The following ABCD3 variants were observed in gnomAD, a reference collection of about 807,000 sequenced individuals.
The protein encoded by ABCD3 is ATP binding cassette subfamily D member 3.
Under a neutral mutation model 105.5 loss-of-function variants are expected in ABCD3, and 41 were observed. That is an observed-to-expected ratio of 0.39 (90% CI 0.30 to 0.50). ABCD3 has a LOEUF of 0.50. Ranked by LOEUF, ABCD3 falls within the 20% of genes least tolerant of loss-of-function variation. The pLI, the probability that ABCD3 is intolerant of heterozygous loss-of-function variation, is 0.84. For missense variants in ABCD3, 622 were observed against 806.3 expected, an observed-to-expected ratio of 0.77 and a Z score of 2.77; for synonymous variants, 258 against 269.0, an observed-to-expected ratio of 0.96 and a Z score of 0.40.
At chr1:94,388,050 C>T in the ABCD3 span, among the ~76,000 whole-genome samples, 1 of 152,180 alleles carries the variant, frequency 6.6e-6, no homozygotes. Context: ...CCACACTGCT[C>T]TTCAACTCTG....
chr1:94,401,515 G>T, the ABCD3 span, among the ~76,000 whole-genome samples: 1 of 152,196 alleles, frequency 6.6e-6, no homozygotes, highest in Non-Finnish European at 1.5e-5. Flanking sequence ...ATCCCACAGG[G>T]CATTCTTAAC....
Position 94,468,119 on chromosome 1 carries a change from A to C in ABCD3, c.335+112A>C, listed in dbSNP as rs149682594. 1,975 of 814,782 alleles carry C rather than the reference A, an allele frequency of 2.4e-3. 28 individuals are homozygous for C. In the African/African-American group the frequency reaches 0.027, roughly 11 times the overall value. 50.5% of individuals were successfully genotyped at this position (814,782 alleles called of 1,614,324 possible). ...TTCTAAGTTAGGTAAAAGATAACCC[A>C]AGTCAAATTATGTGTTTGTTCATTT... On this transcript the variant is annotated intron_variant, in intron 4 of 22. Transcript: ENST00000370214.
intron 1 of ABCD3, among the ~76,000 whole-genome samples, chr1:94,420,187 A>G (rs1477826115): frequency 6.6e-6 from 1 of 152,194 alleles, no homozygotes; most frequent in Non-Finnish European, 1.5e-5. Context: ...TTTTACAAGT[A>G]GAACACACTC....
chr1:94,508,775 G>A (rs1414992527), intron 21 of ABCD3, among the ~76,000 whole-genome samples: 30 of 152,092 alleles, frequency 2.0e-4, no homozygotes, highest in African/African-American at 4.8e-4. Flanking sequence ...GAGTTCACTC[G>A]TGATTTGGCT....
chr1:94,502,376 G>A (rs561598860), intron 20 of ABCD3, among the ~76,000 whole-genome samples: 2 of 152,198 alleles, frequency 1.3e-5, no homozygotes, highest in African/African-American at 4.8e-5. Flanking sequence ...TCAATTAAAT[G>A]ACAGCTAATT....
chr1:94,460,484 C>T (rs1181396717), intron 2 of ABCD3, among the ~76,000 whole-genome samples: 1 of 152,142 alleles, frequency 6.6e-6, no homozygotes, highest in Non-Finnish European at 1.5e-5. Flanking sequence ...TAAGAAACAT[C>T]TAATTCCTTT....
In ABCD3 at chr1:94,499,593, T is replaced by C; in HGVS notation, c.1719T>C (p.Gly573=). The change falls in exon 20 of 23, where the codon GGT becomes GGC. Residue 573 remains glycine (G), a synonymous_variant. Coordinates refer to ENST00000370214, the MANE Select transcript of ABCD3 (RefSeq NM_002858.4). ...SVQDWMDVLS[G]GEKQRMAMAR... The stretch of plus-strand genomic sequence containing the variant: ...AGGATTGGATGGACGTACTCAGTGG[T>C]GGAGAAAAGCAAAGAATGGCGGTAA... 1 of 1,613,652 alleles carries C rather than the reference T, an allele frequency of 6.2e-7. No individual in the cohort carries two copies. Among genetic ancestry groups the C allele is most frequent in the Non-Finnish European group, 8.5e-7 (1 of 1,179,756 alleles).
intron 21 of ABCD3, among the ~76,000 whole-genome samples, chr1:94,513,269 G>A (rs1650769417): frequency 6.6e-6 from 1 of 152,060 alleles, no homozygotes; most frequent in African/African-American, 2.4e-5. Flanking sequence ...ATAAAACCAT[G>A]TAGTCTGCAG....
chr1:94,451,435 CA>C (rs1647253795), intron 1 of ABCD3, among the ~76,000 whole-genome samples: 1 of 151,830 alleles, frequency 6.6e-6, no homozygotes. Flanking sequence ...GGAGCATTGT[CA>C]GTCAGGGAAC....
chr1:94,438,164 G>C (rs1473123960), intron 1 of ABCD3, among the ~76,000 whole-genome samples: 1 of 152,016 alleles, frequency 6.6e-6, no homozygotes, highest in African/African-American at 2.4e-5. Context: ...GCATGCGCCT[G>C]TAGTCCCAGC....
intron 21 of ABCD3, chr1:94,514,944 C>A: frequency 3.7e-6 from 2 of 542,664 alleles, no homozygotes; most frequent in South Asian, 5.0e-5. Context: ...ATGCCAGTAC[C>A]TGGTAGTTTT....
At chr1:94,445,485 A>G (rs1660311815) in intron 1 of ABCD3, among the ~76,000 whole-genome samples, 1 of 152,178 alleles carries the variant, frequency 6.6e-6, no homozygotes. Context: ...TCCACCTTGG[A>G]ACCTTTTCAC....
intron 5 of ABCD3, 85 bp from the exon 6 acceptor site, chr1:94,475,058 A>G (rs1648671909): frequency 5.6e-6 from 5 of 887,912 alleles, no homozygotes; most frequent in Non-Finnish European, 9.0e-6. Context: ...AGGATTTGGG[A>G]CACAGGAAAT....
chr1:94,405,753 G>C, the ABCD3 span, among the ~76,000 whole-genome samples: 2 of 152,014 alleles, frequency 1.3e-5, no homozygotes, highest in South Asian at 4.1e-4. Flanking sequence ...GTCTGTTCTT[G>C]TCATTTGCCT....
the ABCD3 span, among the ~76,000 whole-genome samples, chr1:94,408,125 C>T: frequency 1.3e-5 from 2 of 152,128 alleles, no homozygotes; most frequent in African/African-American, 4.8e-5. Flanking sequence ...AGTAAATAAA[C>T]CAGTACGATA....
At chr1:94,471,820 A>T (rs1191389725) in intron 4 of ABCD3, among the ~76,000 whole-genome samples, 1 of 152,164 alleles carries the variant, frequency 6.6e-6, no homozygotes, top group Non-Finnish European at 1.5e-5. Flanking sequence ...CTGCTAAAGA[A>T]AGCCTCAAAG....
chr1:94,477,487 A>G (rs1648816862), intron 7 of ABCD3, among the ~76,000 whole-genome samples: 1 of 151,892 alleles, frequency 6.6e-6, no homozygotes, highest in African/African-American at 2.4e-5. Context: ...TTACCCAGGC[A>G]TGGTAATGTG....
chr1:94,418,652 C>T (rs925015932), intron 1 of ABCD3, 64 bp downstream of exon 1: 22 of 1,500,746 alleles, frequency 1.5e-5, no homozygotes, highest in Non-Finnish European at 1.9e-5. Flanking sequence ...CGCGCTCTCT[C>T]TCCCCACCCG....
chr1:94,497,990 A>G (rs1026063274), intron 16 of ABCD3, among the ~76,000 whole-genome samples: 2 of 152,184 alleles, frequency 1.3e-5, no homozygotes, highest in African/African-American at 4.8e-5. Flanking sequence ...GTGTATACGC[A>G]TGTATTTATT....
Sources: gnomAD v4.1 joint callset for allele counts (sites outside exome capture counted in the v4.1 genomes callset) on GRCh38, gnomAD v4.1.1 for gene constraint, MANE v1.5 for transcripts, NCBI Gene and HGNC (gene_info 2026-07-23, HGNC 2026-07-21) for gene names.